The following CMTM4 variants were observed in gnomAD, a reference collection of about 807,000 sequenced individuals.
CMTM4 encodes the protein CKLF like MARVEL transmembrane domain containing 4.
A neutral mutation model predicts 19.0 loss-of-function variants in CMTM4; 8 were observed. The observed-to-expected ratio is 0.42, with a 90% confidence interval of 0.25 to 0.76. The LOEUF (loss-of-function observed/expected upper bound fraction) is 0.76, where lower values mean the gene tolerates loss of function less well. Among genes scored for constraint, CMTM4 ranks in the 30% least tolerant of loss-of-function variants. The probability of loss-of-function intolerance (pLI) is 0.27; values close to 1 mark genes in which losing one functional copy is unlikely to be tolerated. For missense variants in CMTM4, 228 were observed against 290.2 expected, an observed-to-expected ratio of 0.79 and a Z score of 1.56; for synonymous variants, 106 against 121.1, an observed-to-expected ratio of 0.88 and a Z score of 0.82.
Position 66,617,884 on chromosome 16 carries a change from G to T in CMTM4, c.*4174C>A. Reference sequence around the variant, plus strand: ...TCCCACTCTTGCCCTCAAGCTGACTGTGGAACGCGAGACAGCTTTCAAAGA... The same window carrying T: ...TCCCACTCTTGCCCTCAAGCTGACTTTGGAACGCGAGACAGCTTTCAAAGA... On this transcript the variant is annotated 3_prime_UTR_variant, in exon 4 of 4. Coordinates refer to ENST00000394106, the MANE Select transcript of CMTM4 (RefSeq NM_181521.3). The T allele has an allele frequency of 1.0e-6, 1 of 988,404 alleles. No homozygotes were observed. The highest frequency in any genetic ancestry group is 1.2e-6 in the Non-Finnish European group (1 of 832,018). The allele number at this position is 988,404 out of a possible 1,614,324, so 61.2% of individuals were successfully genotyped here. A position where few individuals can be genotyped will look rare whatever the true frequency, so the allele number is the denominator to read the frequency against.
intron 1 of CMTM4, among the ~76,000 whole-genome samples, chr16:66,671,519 C>T (rs2016707241): frequency 6.6e-6 from 1 of 152,186 alleles, no homozygotes; most frequent in African/African-American, 2.4e-5. Flanking sequence ...CTGATCCCTT[C>T]TAGAACTAAC....
At chr16:66,664,251 A>C (rs568690609) in intron 1 of CMTM4, among the ~76,000 whole-genome samples, 17 of 151,944 alleles carry the variant, frequency 1.1e-4, no homozygotes, top group Non-Finnish European at 1.9e-4. Flanking sequence ...AAAAAAAAAA[A>C]TTTCAGATAA....
chr16:66,692,512 A>T (rs1439664389), intron 1 of CMTM4, among the ~76,000 whole-genome samples: 1 of 152,234 alleles, frequency 6.6e-6, no homozygotes, highest in Non-Finnish European at 1.5e-5. Flanking sequence ...CTGATTCTGC[A>T]TTTCTAACAA....
chr16:66,652,787 T>TC (rs747748389), intron 1 of CMTM4, among the ~76,000 whole-genome samples: 4 of 152,348 alleles, frequency 2.6e-5, no homozygotes, highest in African/African-American at 4.8e-5. Context: ...GAAATCCTTA[T>TC]TATGTGGTTT....
At position 66,665,081 on chromosome 16, in the gene CMTM4, T is replaced by C. The variant is rs571014347; in HGVS notation, c.187-28500A>G. Among the ~76,000 whole-genome samples the C allele has an allele frequency of 1.4e-4, 22 of 152,072 alleles. No homozygotes were observed. The East Asian group carries it at 4.1e-3, about 28-fold the overall frequency. The stretch of plus-strand genomic sequence containing the variant: ...ACCTCAGCCTCCCTAGCAGCTAGAA[T>C]TACAGTTACATGCCACCATGCCCAG... On this transcript the variant is annotated intron_variant, in intron 1 of 3. Transcript: ENST00000394106.
intron 1 of CMTM4, among the ~76,000 whole-genome samples, chr16:66,665,094 C>G (rs565687726): frequency 6.6e-6 from 1 of 151,872 alleles, no homozygotes; most frequent in African/African-American, 2.4e-5. Flanking sequence ...CAGTTACATG[C>G]CACCATGCCC....
intron 1 of CMTM4, among the ~76,000 whole-genome samples, chr16:66,695,997 C>T (rs1403558188): frequency 6.6e-6 from 1 of 152,210 alleles, no homozygotes; most frequent in Non-Finnish European, 1.5e-5. Context: ...TTGCTAAGAC[C>T]AGCTGTACCC....
At chr16:66,603,600 T>C in the CMTM4 span, among the ~76,000 whole-genome samples, 1 of 152,168 alleles carries the variant, frequency 6.6e-6, no homozygotes, top group Non-Finnish European at 1.5e-5. Flanking sequence ...TATTTTTTAT[T>C]AAACAAAACA....
chr16:66,662,645 C>G (rs1028161619), intron 1 of CMTM4, among the ~76,000 whole-genome samples: 33 of 152,032 alleles, frequency 2.2e-4, no homozygotes, highest in African/African-American at 7.2e-4. Context: ...AGGGCATGAG[C>G]GAACCCCCTT....
downstream of CMTM4, chr16:66,609,795 A>C (rs773520692): frequency 3.7e-6 from 6 of 1,613,402 alleles, no homozygotes; most frequent in Middle Eastern, 1.6e-4. The surrounding 1 kb of genome is among the most constrained non-coding windows in gnomAD (Gnocchi z 4.4). Context: ...TTGTCCAAGC[A>C]GATCTGAAAT....
the CMTM4 span, among the ~76,000 whole-genome samples, chr16:66,600,136 G>GT: frequency 1.7e-3 from 228 of 135,162 alleles, no homozygotes; most frequent in South Asian, 7.2e-3. Flanking sequence ...GTGTGTGTGT[G>GT]TTTTTTTTTG....
chr16:66,655,742 G>A (rs1299633492), intron 1 of CMTM4, among the ~76,000 whole-genome samples: 1 of 151,980 alleles, frequency 6.6e-6, no homozygotes, highest in Non-Finnish European at 1.5e-5. Flanking sequence ...GAGAATGAAG[G>A]GAACATGTCT....
downstream of CMTM4, chr16:66,612,990 G>T: frequency 7.2e-6 from 5 of 698,264 alleles, no homozygotes; most frequent in South Asian, 7.4e-5. The surrounding 1 kb of genome is among the most constrained non-coding windows in gnomAD (Gnocchi z 6.0). Flanking sequence ...GCTGCTAGGT[G>T]GCGGGGGTCG....
intron 2 of CMTM4, among the ~76,000 whole-genome samples, chr16:66,630,940 C>T (rs1211093769): frequency 6.6e-6 from 1 of 151,862 alleles, no homozygotes; most frequent in East Asian, 1.9e-4. Flanking sequence ...AGCGCCTCTG[C>T]CTGGCCGCGA....
downstream of CMTM4, chr16:66,613,041 A>G (rs909211909): frequency 2.0e-5 from 14 of 702,872 alleles, no homozygotes; most frequent in African/African-American, 2.4e-4. Context: ...GACAGAAACC[A>G]TGACAGGGCT....
At chr16:66,600,136 G>GTGTGGTTTT in the CMTM4 span, among the ~76,000 whole-genome samples, 35 of 135,156 alleles carry the variant, frequency 2.6e-4, no homozygotes, top group African/African-American at 9.5e-4. Context: ...GTGTGTGTGT[G>GTGTGGTTTT]TTTTTTTTTG....
chr16:66,640,256 C>T (rs190972627), intron 1 of CMTM4, among the ~76,000 whole-genome samples: 27 of 152,128 alleles, frequency 1.8e-4, no homozygotes, highest in Admixed American at 7.2e-4. Flanking sequence ...GCTGAGATCG[C>T]GCCACTACAC....
Position 66,618,575 on chromosome 16 carries a change from C to T in CMTM4, c.*3483G>A, listed in dbSNP as rs539949892. Reference sequence around the variant, plus strand: ...CAAGAAAAGGTACGCCTGGGCCACACGCAGGACATGGCACCCACTAGGGTT... The same window carrying T: ...CAAGAAAAGGTACGCCTGGGCCACATGCAGGACATGGCACCCACTAGGGTT... On this transcript the variant is annotated 3_prime_UTR_variant, in exon 4 of 4. Coordinates refer to ENST00000394106, the MANE Select transcript of CMTM4 (RefSeq NM_181521.3). 9.1e-5 allele frequency: 90 copies of T among 985,484 alleles called. No individual in the cohort carries two copies. The highest frequency in any genetic ancestry group is 1.1e-4 in the East Asian group (1 of 8,820). The allele number at this position is 985,484 out of a possible 1,614,324, so 61.0% of individuals were successfully genotyped here. A position where few individuals can be genotyped will look rare whatever the true frequency, so the allele number is the denominator to read the frequency against.
chr16:66,649,315 T>A (rs2016265968), intron 1 of CMTM4, among the ~76,000 whole-genome samples: 1 of 152,156 alleles, frequency 6.6e-6, no homozygotes, highest in African/African-American at 2.4e-5. Context: ...GCAAGTACCA[T>A]CCCTTTATTC....
Sources: allele counts gnomAD v4.1 joint callset (sites outside exome capture counted in the v4.1 genomes callset), GRCh38; gene constraint gnomAD v4.1.1; non-coding constraint Gnocchi (gnomAD v3.1); transcripts MANE v1.5; gene names NCBI Gene and HGNC (gene_info 2026-07-23, HGNC 2026-07-21).